DYNC1H1: variants seen among roughly 807,000 people sequenced by gnomAD.
The protein encoded by DYNC1H1 is dynein cytoplasmic 1 heavy chain 1.
Under a neutral mutation model 527.1 loss-of-function variants are expected in DYNC1H1, and 51 were observed. The ratio of observed to expected loss-of-function variants is 0.10; its 90% CI spans 0.08 to 0.12. The LOEUF is 0.12. Among genes scored for constraint, DYNC1H1 ranks in the 10% least tolerant of loss-of-function variants. The pLI, the probability that DYNC1H1 is intolerant of heterozygous loss-of-function variation, is 1.00. For missense variants in DYNC1H1, 2,771 were observed against 5,971.8 expected, an observed-to-expected ratio of 0.46 and a Z score of 17.66; for synonymous variants, 2,189 against 2,278.8, an observed-to-expected ratio of 0.96 and a Z score of 1.12.
intron 51 of DYNC1H1, 58 bp from the exon 52 acceptor site, chr14:102,032,214 A>G: frequency 6.2e-7 from 1 of 1,608,684 alleles, no homozygotes; most frequent in Non-Finnish European, 8.5e-7. Context: ...CATTCTCACC[A>G]TGCTTTGCTC....
rs774141079 is a variant in DYNC1H1, at chr14:101,985,073, A to G, written c.1462-614A>G. Among the ~76,000 whole-genome samples the G allele has an allele frequency of 4.0e-5, 6 of 151,452 alleles. No individual in the cohort carries two copies. Among genetic ancestry groups the G allele is most frequent in the Admixed American group, 2.6e-4 (4 of 15,230 alleles). ...GGGATTACCATGCCCAGCCCATCCAAATCTTTAGTGTTTTCCATCCATTTA... is the reference window on the plus strand; with the variant it reads ...GGGATTACCATGCCCAGCCCATCCAGATCTTTAGTGTTTTCCATCCATTTA... On this transcript the variant is annotated intron_variant, in intron 7 of 77. Transcript: ENST00000360184. The surrounding 1 kb of genome is among the most constrained non-coding windows in gnomAD (Gnocchi z 5.9).
Position 102,047,639 on chromosome 14 carries a change from G to GTATATATATATA in DYNC1H1, c.13007-177_13007-176insATATATATATAT, listed in dbSNP as rs1287359925. ...TATACACGTGTGTGTGTGTGTGTGT[G>GTATATATATATA]TGTATATATATATATATATATATAT... On this transcript the variant is annotated intron_variant, in intron 72 of 77. Coordinates refer to ENST00000360184, the MANE Select transcript of DYNC1H1 (RefSeq NM_001376.5). 3.4e-4 allele frequency: 118 copies of GTATATATATATA among 351,994 alleles called. No individual in the cohort carries two copies. The African/African-American group carries it at 4.0e-3, about 12-fold the overall frequency. 21.8% of individuals were successfully genotyped at this position (351,994 alleles called of 1,614,324 possible).
rs1416698234 is a variant in DYNC1H1 at position 102,022,744 on chromosome 14, C to T, written c.8508-7C>T. 1.2e-6 allele frequency: 2 copies of T among 1,613,842 alleles called. No homozygotes were observed. The highest frequency in any genetic ancestry group is 1.7e-6 in the Non-Finnish European group (2 of 1,179,960). ...TTACCTAAATGCACATGCTGCTCTC[C>T]CCACAGACTCGTAGAGGATGAGGAG... On this transcript the variant is annotated splice_region_variant and splice_polypyrimidine_tract_variant and intron_variant, in intron 42 of 77. Coordinates refer to ENST00000360184, the MANE Select transcript of DYNC1H1 (RefSeq NM_001376.5).
chr14:102,045,284 C>T (rs1443189728), intron 72 of DYNC1H1: 3 of 141,388 alleles, frequency 2.1e-5, no homozygotes, highest in African/African-American at 5.5e-5. Flanking sequence ...GCCTGGGCAA[C>T]AGAGTGAGAC....
chr14:101,998,445 G>A (rs2048090532), intron 16 of DYNC1H1, among the ~76,000 whole-genome samples: 1 of 152,182 alleles, frequency 6.6e-6, no homozygotes, highest in Admixed American at 6.6e-5. Context: ...GTGGGTCCCA[G>A]GCGATTGGTT....
Position 102,012,711 on chromosome 14 carries a change from C to G in DYNC1H1, c.7014+241C>G, listed in dbSNP as rs1374553446. 3.5e-6 allele frequency: 2 copies of G among 568,058 alleles called. No homozygotes were observed. Among genetic ancestry groups the G allele is most frequent in the African/African-American group, 3.8e-5 (2 of 53,158 alleles). 35.2% of individuals were successfully genotyped at this position (568,058 alleles called of 1,614,324 possible). On this transcript the variant is annotated intron_variant, in intron 34 of 77. Coordinates refer to ENST00000360184, the MANE Select transcript of DYNC1H1 (RefSeq NM_001376.5). The surrounding 1 kb of genome is among the most constrained non-coding windows in gnomAD (Gnocchi z 4.9). ...TCTATCATTTATTGAGTAATAAGCA[C>G]ACTCTATGATTATCAGTTAACCCTG...
rs372944247 is a variant in DYNC1H1 at position 101,979,343 on chromosome 14, C to T, written c.369C>T (p.Pro123=). The T allele has an allele frequency of 4.3e-5, 70 of 1,614,082 alleles. No homozygotes were observed. The African/African-American group carries it at 5.5e-4, about 13-fold the overall frequency. ...SNSLAFIKRT[P]VIDADKPVSS... is the part of the protein sequence containing the mutation. ...GCTTGGCATTCATTAAACGTACTCC[C>T]GTGATTGATGCAGATAAACCCGTGT... Residue 123 remains proline, a synonymous_variant, in exon 3 of 78, where the codon CCC becomes CCT. Transcript: ENST00000360184. This position sits in a 1 kb window ranked among gnomAD's most constrained non-coding sequence, Gnocchi z 4.6.
At position 102,052,566 on chromosome 14, in the gene DYNC1H1, C is replaced by T. The variant is rs1290009158; in HGVS notation, c.*2003C>T. 1 of 152,370 alleles carries T rather than the reference C, an allele frequency of 6.6e-6. No homozygotes were observed. The highest frequency in any genetic ancestry group is 1.5e-5 in the Non-Finnish European group (1 of 68,146). 9.4% of individuals were successfully genotyped at this position (152,370 alleles called of 1,614,324 possible). A position where few individuals can be genotyped will look rare whatever the true frequency, so the allele number is the denominator to read the frequency against. ...CCTACTGCTTCTTCCTCTTCCTTTT[C>T]TCAGGCTCTGCAAGGAAGAGCTCCA... On this transcript the variant is annotated 3_prime_UTR_variant, in exon 78 of 78. Coordinates refer to ENST00000360184, the MANE Select transcript of DYNC1H1 (RefSeq NM_001376.5).
At position 102,005,851 on chromosome 14, in the gene DYNC1H1, G is replaced by A; in HGVS notation, c.5434-37G>A. The A allele has an allele frequency of 1.2e-6, 2 of 1,613,576 alleles. No individual in the cohort carries two copies. The highest frequency in any genetic ancestry group is 1.7e-6 in the Non-Finnish European group (2 of 1,179,644). On this transcript the variant is annotated intron_variant, in intron 26 of 77. Transcript: ENST00000360184. The surrounding 1 kb of genome is among the most constrained non-coding windows in gnomAD (Gnocchi z 4.0). ...CCGGAGAATGCACTGTATTGCTTTA[G>A]TGTAGATGAACTTTTAAAGTGACTC...
At chr14:102,043,442 C>A in intron 69 of DYNC1H1, 1 of 316,896 alleles carries the variant, frequency 3.2e-6, no homozygotes, top group Non-Finnish European at 6.1e-6. Flanking sequence ...GAAGCTGGGA[C>A]TCAGAGTTGT....
At chr14:101,994,951 A>G in intron 13 of DYNC1H1, 35 bp from the exon 14 acceptor site, 1 of 1,613,154 alleles carries the variant, frequency 6.2e-7, no homozygotes, top group Non-Finnish European at 8.5e-7. Context: ...AGCAGGAAAG[A>G]GCTGATGATG....
At chr14:102,013,414 GAA>G (rs893358567) in intron 34 of DYNC1H1, among the ~76,000 whole-genome samples, 7 of 152,176 alleles carry the variant, frequency 4.6e-5, no homozygotes, top group Non-Finnish European at 8.8e-5. Context: ...CCTTCCCTGA[GAA>G]CGTAGTTTGA....
rs1020597829 is a variant in DYNC1H1 at position 102,010,178 on chromosome 14, G to A, written c.6221+92G>A. ...AAATTTTTATATGTAATGATGGTAC[G>A]TCTTTCAAAATATCCATCTCTGGTT... is the stretch of plus-strand genomic sequence containing the variant. On this transcript the variant is annotated intron_variant, in intron 30 of 77. Transcript: ENST00000360184. This position sits in a 1 kb window ranked among gnomAD's most constrained non-coding sequence, Gnocchi z 6.0. The A allele has an allele frequency of 4.3e-5, 70 of 1,611,670 alleles. No individual in the cohort carries two copies. The East Asian group carries it at 8.0e-4, about 18-fold the overall frequency.
At position 102,001,180 on chromosome 14, in the gene DYNC1H1, A is replaced by G. The variant is rs771677419; in HGVS notation, c.4221A>G (p.Ala1407=). 2.5e-6 allele frequency: 4 copies of G among 1,614,212 alleles called. No individual in the cohort carries two copies. Among genetic ancestry groups the G allele is most frequent in the South Asian group, 1.1e-5 (1 of 91,088 alleles). The change falls in exon 20 of 78, where the codon GCA becomes GCG. Residue 1407 remains alanine (A), a synonymous_variant. Coordinates refer to ENST00000360184, the MANE Select transcript of DYNC1H1 (RefSeq NM_001376.5). The surrounding 1 kb of genome is among the most constrained non-coding windows in gnomAD (Gnocchi z 5.0). The part of the protein sequence containing the change: ...NMLVIELKSE[A]LKDRHWKQLM... ...TGGTGATTGAACTGAAATCCGAAGCACTTAAAGACCGCCATTGGAAACAGC... is the reference window on the plus strand; with the variant it reads ...TGGTGATTGAACTGAAATCCGAAGCGCTTAAAGACCGCCATTGGAAACAGC...
intron 14 of DYNC1H1, 27 bp downstream of exon 14, chr14:101,995,123 A>G (rs371514776): frequency 3.1e-6 from 5 of 1,614,062 alleles, no homozygotes; most frequent in Non-Finnish European, 4.2e-6. Flanking sequence ...CTGCCTCTGT[A>G]ACCGGTCTAC....
Position 102,040,660 on chromosome 14 carries a change from A to G in DYNC1H1, c.11928A>G (p.Glu3976=), listed in dbSNP as rs1567021944. Residue 3976 remains glutamate (E), a synonymous_variant, in exon 64 of 78, where the codon GAA becomes GAG. Transcript: ENST00000360184. Reference sequence around the variant, plus strand: ...AGACTGTGCCCTACCTCTGGAGTGAAGAAACACCTGCAAGTAAGCCCCACT... The same window carrying G: ...AGACTGTGCCCTACCTCTGGAGTGAGGAAACACCTGCAAGTAAGCCCCACT... The part of the protein sequence containing the change: ...PEQTVPYLWS[E]ETPATPIGQA... 1 of 1,614,216 alleles carries G rather than the reference A, an allele frequency of 6.2e-7. No individual in the cohort carries two copies. Among genetic ancestry groups the G allele is most frequent in the Non-Finnish European group, 8.5e-7 (1 of 1,180,034 alleles).
chr14:101,994,361 G>A, intron 12 of DYNC1H1, 37 bp downstream of exon 12: 3 of 1,613,736 alleles, frequency 1.9e-6, no homozygotes, highest in Non-Finnish European at 1.7e-6. Flanking sequence ...TGTGCATATG[G>A]TCTATTCTAG....
chr14:102,026,723 G>C lies in DYNC1H1; in HGVS notation c.8771+16G>C. The stretch of plus-strand genomic sequence containing the variant: ...GGATTGACAGGTGGGCTTTTTTGTT[G>C]TTACAGCCCCACCTCTCGCCTAAGC... On this transcript the variant is annotated intron_variant, in intron 44 of 77. Transcript: ENST00000360184. 6.2e-7 allele frequency: 1 copy of C among 1,613,050 alleles called. No individual in the cohort carries two copies. The highest frequency in any genetic ancestry group is 8.5e-7 in the Non-Finnish European group (1 of 1,179,604).
intron 9 of DYNC1H1, among the ~76,000 whole-genome samples, chr14:101,988,230 G>A (rs1430230730): frequency 3.9e-5 from 6 of 152,190 alleles, no homozygotes; most frequent in South Asian, 4.2e-4. Flanking sequence ...CTTATGATTC[G>A]TGTTACCTTT....
Sources: gnomAD v4.1 joint callset for allele counts (sites outside exome capture counted in the v4.1 genomes callset) on GRCh38, gnomAD v4.1.1 for gene constraint, Gnocchi (gnomAD v3.1) non-coding constraint, MANE v1.5 for transcripts, NCBI Gene and HGNC (gene_info 2026-07-23, HGNC 2026-07-21) for gene names.